The following GAB2 variants were observed in gnomAD, a reference collection of about 807,000 sequenced individuals.
GAB2 encodes the protein GRB2 associated binding protein 2.
Under a neutral mutation model 65.5 loss-of-function variants are expected in GAB2, and 26 were observed. The observed-to-expected ratio is 0.40, with a 90% CI of 0.29 to 0.55. The LOEUF is 0.55. GAB2 is among the 20% of genes least tolerant of loss of function. The pLI is 0.53. For synonymous variants in GAB2, 321 were observed against 329.6 expected (o/e 0.97, Z 0.28); for missense variants, 884 against 875.8 (o/e 1.01, Z -0.12).
intron 2 of GAB2, among the ~76,000 whole-genome samples, chr11:78,261,174 G>T (rs766279289): frequency 1.3e-5 from 2 of 152,084 alleles, no homozygotes; most frequent in Non-Finnish European, 2.9e-5. Flanking sequence ...TCCCAGACTG[G>T]GGGGCTGGGG....
rs1236139913 is a variant in GAB2 at position 78,222,009 on chromosome 11, G to A, written c.1658+96C>T. The A allele has an allele frequency of 6.0e-6, 5 of 835,492 alleles. No individual in the cohort carries two copies. The Admixed American group carries it at 7.2e-5, about 12-fold the overall frequency. The allele number at this position is 835,492 out of a possible 1,614,324, so 51.8% of individuals were successfully genotyped here. A position where few individuals can be genotyped will look rare whatever the true frequency, so the allele number is the denominator to read the frequency against. ...TCAGCTAATGATAGCGTTAGCATCA[G>A]AATCCAGCTGTCCCGGCCCACAGGC... On this transcript the variant is annotated intron_variant, in intron 7 of 9. Transcript: ENST00000361507.
chr11:78,330,778 T>C (rs1441191198), intron 1 of GAB2, among the ~76,000 whole-genome samples: 1 of 152,126 alleles, frequency 6.6e-6, no homozygotes, highest in Non-Finnish European at 1.5e-5. Flanking sequence ...TTAATGGAAA[T>C]ATTTTTCTTC....
At chr11:78,322,298 C>CAAAAAAAAAAAAAAAAAAAAAAA (rs56709163) in intron 1 of GAB2, among the ~76,000 whole-genome samples, 1 of 12,076 alleles carries the variant, frequency 8.3e-5, no homozygotes, top group Non-Finnish European at 2.3e-4. Flanking sequence ...GACTCTGTCT[C>CAAAAAAAAAAAAAAAAAAAAAAA]AAAAAAAAAA....
At chr11:78,234,944 A>T (rs896338672) in intron 3 of GAB2, among the ~76,000 whole-genome samples, 4 of 151,886 alleles carry the variant, frequency 2.6e-5, no homozygotes, top group Admixed American at 6.6e-5. Flanking sequence ...CAGGAGGCGA[A>T]GGTTGCAATG....
chr11:78,288,108 A>C (rs955938846), intron 1 of GAB2, among the ~76,000 whole-genome samples: 2 of 151,620 alleles, frequency 1.3e-5, no homozygotes, highest in African/African-American at 4.8e-5. Flanking sequence ...GGCTGGGCAC[A>C]GTGGCTCATG....
chr11:78,276,143 T>C (rs1262748706), intron 2 of GAB2, among the ~76,000 whole-genome samples: 1 of 148,830 alleles, frequency 6.7e-6, no homozygotes, highest in African/African-American at 2.5e-5. Context: ...AAGAAAAGAA[T>C]ATATTTCCTA....
chr11:78,344,047 G>A (rs1856142894), intron 1 of GAB2, among the ~76,000 whole-genome samples: 1 of 152,090 alleles, frequency 6.6e-6, no homozygotes, highest in South Asian at 2.1e-4. Flanking sequence ...AGAACAGCTA[G>A]GCAAAACATT....
intron 1 of GAB2, among the ~76,000 whole-genome samples, chr11:78,301,402 T>C (rs1468214870): frequency 1.3e-5 from 2 of 149,290 alleles, no homozygotes; most frequent in Non-Finnish European, 2.9e-5. Context: ...TGATCTGGGC[T>C]CACTGCAACC....
intron 3 of GAB2, among the ~76,000 whole-genome samples, chr11:78,236,546 A>G (rs1342808122): frequency 1.3e-5 from 2 of 152,188 alleles, no homozygotes; most frequent in African/African-American, 2.4e-5. Context: ...CTTGTTTTCA[A>G]TCTTAGGGCA....
intron 2 of GAB2, among the ~76,000 whole-genome samples, chr11:78,257,424 T>C (rs1865622644): frequency 6.6e-6 from 1 of 152,230 alleles, no homozygotes; most frequent in African/African-American, 2.4e-5. Flanking sequence ...CTCTGCTAAC[T>C]CCTAGCTCTG....
chr11:78,414,229 G>C (rs1293664890), intron 1 of GAB2, among the ~76,000 whole-genome samples: 1 of 152,104 alleles, frequency 6.6e-6, no homozygotes, highest in Admixed American at 6.5e-5. Flanking sequence ...CAAAGCCATT[G>C]CTAAGACTGA....
At chr11:78,345,334 A>G (rs959945793) in intron 1 of GAB2, among the ~76,000 whole-genome samples, 3 of 152,204 alleles carry the variant, frequency 2.0e-5, no homozygotes, top group African/African-American at 7.2e-5. Flanking sequence ...CTGGGCAAAT[A>G]GATGAAACTA....
intron 1 of GAB2, among the ~76,000 whole-genome samples, chr11:78,336,312 G>A (rs1448276884): frequency 9.2e-6 from 1 of 108,516 alleles, no homozygotes; most frequent in African/African-American, 3.4e-5. Context: ...GGGCGACAGA[G>A]CGAGACTGTC....
chr11:78,411,469 G>T (rs1171141696), intron 1 of GAB2, among the ~76,000 whole-genome samples: 1 of 152,174 alleles, frequency 6.6e-6, no homozygotes, highest in Non-Finnish European at 1.5e-5. Context: ...TATAGCTAGA[G>T]TTGGCAAGAT....
At chr11:78,273,933 C>T (rs1472988498) in intron 2 of GAB2, among the ~76,000 whole-genome samples, 3 of 152,158 alleles carry the variant, frequency 2.0e-5, no homozygotes, top group Admixed American at 1.3e-4. Context: ...ACATGACTTG[C>T]TCCTCCTTGC....
chr11:78,308,580 C>A (rs1261759143), intron 1 of GAB2, among the ~76,000 whole-genome samples: 3 of 152,190 alleles, frequency 2.0e-5, no homozygotes, highest in Non-Finnish European at 4.4e-5. Flanking sequence ...ATATACACAA[C>A]ATGAGTAAAT....
chr11:78,412,285 TTAAA>T (rs1591097776), intron 1 of GAB2, among the ~76,000 whole-genome samples: 1 of 152,162 alleles, frequency 6.6e-6, no homozygotes, highest in Non-Finnish European at 1.5e-5. Context: ...GGGTGAATGG[TTAAA>T]TAAACAGACT....
chr11:78,316,016 C>A (rs978565425), intron 1 of GAB2, among the ~76,000 whole-genome samples: 1 of 152,166 alleles, frequency 6.6e-6, no homozygotes, highest in African/African-American at 2.4e-5. Flanking sequence ...GCTGAGGCTT[C>A]TGGCTTCCTT....
intron 1 of GAB2, among the ~76,000 whole-genome samples, chr11:78,407,310 G>A (rs979390425): frequency 6.6e-6 from 1 of 151,688 alleles, no homozygotes; most frequent in Non-Finnish European, 1.5e-5. Context: ...AAAATAAAGA[G>A]AAAAAAAATC....
Sources: allele counts gnomAD v4.1 joint callset (sites outside exome capture counted in the v4.1 genomes callset), GRCh38; gene constraint gnomAD v4.1.1; transcripts MANE v1.5; gene names NCBI Gene and HGNC (gene_info 2026-07-23, HGNC 2026-07-21).